Variants in STK39 observed in about 807,000 individuals in gnomAD.
STK39 encodes the protein serine/threonine kinase 39.
Under a neutral mutation model 77.8 loss-of-function variants are expected in STK39, and 20 were observed. The observed-to-expected ratio is 0.26, with a 90% confidence interval of 0.18 to 0.37. The LOEUF (loss-of-function observed/expected upper bound fraction) is 0.37, where lower values mean the gene tolerates loss of function less well. Ranked by LOEUF, STK39 falls within the 10% of genes least tolerant of loss-of-function variation. The pLI, the probability that STK39 is intolerant of heterozygous loss-of-function variation, is 1.00. For synonymous variants in STK39, 246 were observed against 234.1 expected (o/e 1.05, Z -0.47); for missense variants, 479 against 656.5 (o/e 0.73, Z 2.95).
intron 1 of STK39, among the ~76,000 whole-genome samples, chr2:168,210,090 T>A (rs76807443): frequency 0.074 from 10,285 of 138,422 alleles, 938 homozygotes; most frequent in East Asian, 0.23. Context: ...AGAAAGAAAC[T>A]CATGTAATTA....
intron 5 of STK39, among the ~76,000 whole-genome samples, chr2:168,149,708 G>T (rs993731328): frequency 6.6e-6 from 1 of 152,204 alleles, no homozygotes; most frequent in South Asian, 2.1e-4. Context: ...CAAGAAAACC[G>T]TTTAGCACAC....
intron 14 of STK39, among the ~76,000 whole-genome samples, chr2:168,056,048 T>C (rs538878191): frequency 2.0e-5 from 3 of 152,300 alleles, no homozygotes; most frequent in South Asian, 4.2e-4. Flanking sequence ...AAGAAAAAGA[T>C]AAATCTGCAT....
chr2:168,018,524 G>GAA (rs1218697669), intron 14 of STK39, among the ~76,000 whole-genome samples: 1 of 89,992 alleles, frequency 1.1e-5, no homozygotes, highest in Non-Finnish European at 2.0e-5. Context: ...AGAAAGAAAA[G>GAA]AAAGAAAAGA....
chr2:168,101,414 T>C (rs1465998815), intron 10 of STK39, among the ~76,000 whole-genome samples: 4 of 152,214 alleles, frequency 2.6e-5, no homozygotes, highest in Non-Finnish European at 5.9e-5. Flanking sequence ...CTTACTGCAC[T>C]ACACTAAGAA....
chr2:168,139,382 A>ATTTAT (rs1181887823), intron 7 of STK39, among the ~76,000 whole-genome samples: 2 of 142,048 alleles, frequency 1.4e-5, no homozygotes, highest in African/African-American at 5.4e-5. Flanking sequence ...CAAATACACT[A>ATTTAT]AAATCCTAAC....
chr2:168,200,097 GT>G (rs1480002072), intron 1 of STK39, among the ~76,000 whole-genome samples: 1 of 152,056 alleles, frequency 6.6e-6, no homozygotes, highest in Non-Finnish European at 1.5e-5. Flanking sequence ...ATAATGTTCC[GT>G]TTTCCATTCA....
At chr2:168,100,084 T>C (rs937962042) in intron 10 of STK39, among the ~76,000 whole-genome samples, 42 of 152,156 alleles carry the variant, frequency 2.8e-4, no homozygotes, top group African/African-American at 8.9e-4. Flanking sequence ...CAAAAGTCAA[T>C]AGCAGGCAGG....
At chr2:168,244,379 C>T (rs1348511781) in intron 1 of STK39, among the ~76,000 whole-genome samples, 1 of 152,186 alleles carries the variant, frequency 6.6e-6, no homozygotes, top group Non-Finnish European at 1.5e-5. Context: ...TCCTCCGTGC[C>T]CGTGCCATGC....
intron 14 of STK39, among the ~76,000 whole-genome samples, chr2:168,048,695 G>A (rs1197557309): frequency 6.6e-6 from 1 of 152,122 alleles, no homozygotes; most frequent in African/African-American, 2.4e-5. Flanking sequence ...ATTGGCTCTT[G>A]CTTTATTCTT....
chr2:167,956,192 TA>T (rs1043480393), intron 17 of STK39, among the ~76,000 whole-genome samples: 5 of 152,196 alleles, frequency 3.3e-5, no homozygotes, highest in African/African-American at 9.7e-5. Flanking sequence ...ATTAATTGCC[TA>T]AAATTGGCAA....
At chr2:168,078,931 G>T (rs948009156) in intron 10 of STK39, among the ~76,000 whole-genome samples, 1 of 152,072 alleles carries the variant, frequency 6.6e-6, no homozygotes, top group African/African-American at 2.4e-5. Flanking sequence ...AAGTGATCCA[G>T]GGAGCCCACC....
intron 1 of STK39, among the ~76,000 whole-genome samples, chr2:168,210,062 G>GAAGGAAGC (rs879869797): frequency 5.4e-5 from 8 of 148,510 alleles, no homozygotes; most frequent in Non-Finnish European, 1.0e-4. Flanking sequence ...AGGAAGGAAG[G>GAAGGAAGC]AAGGAAGGAA....
chr2:168,163,967 A>G, intron 3 of STK39, 87 bp from the exon 4 acceptor site: 1 of 1,496,744 alleles, frequency 6.7e-7, no homozygotes, highest in Admixed American at 2.3e-5. Context: ...ATTTAATAGA[A>G]ACATCAAAAT....
chr2:168,075,167 C>T lies in STK39; in HGVS notation c.1154G>A (p.Ser385Asn), dbSNP rs1195351394. 1 of 1,614,210 alleles carries T rather than the reference C, an allele frequency of 6.2e-7. No homozygotes were observed. The highest frequency in any genetic ancestry group is 8.5e-7 in the Non-Finnish European group (1 of 1,180,040). ...HKTEDGDWEWSDDEMDEKSEE... is the reference protein window; with the variant it reads ...HKTEDGDWEWNDDEMDEKSEE... ...GCTCTTCTCATCCATCTCGTCGTCA[C>T]TCCACTCCCAGTCCCCGTCTTCGGT... The change falls in exon 11 of 18, where the codon AGT becomes AAT. Residue 385 changes from serine to asparagine, a missense_variant. Ser to Asn is a conservative substitution (Grantham distance 46). Transcript: ENST00000355999.
At position 168,181,988 on chromosome 2, in the gene STK39, T is replaced by G; in HGVS notation, c.311A>C (p.Asp104Ala). 2 of 1,613,770 alleles carry G rather than the reference T, an allele frequency of 1.2e-6. No homozygotes were observed. Among genetic ancestry groups the G allele is most frequent in the Non-Finnish European group, 1.7e-6 (2 of 1,179,742 alleles). Residue 104 changes from aspartate (D) to alanine (A), a missense_variant, in exon 2 of 18, where the codon GAT becomes GCT. Physicochemically the swap from Asp to Ala is moderately radical, Grantham distance 126 (BLOSUM62 -2). Transcript: ENST00000355999. ...INLEKCQTSMDELLKEIQAMS... is the reference protein window; with the variant it reads ...INLEKCQTSMAELLKEIQAMS... ...TGCACTGTTACTTACTAATAGTTCA[T>G]CCATACTGGTCTGGCATTTTTCCAA...
intron 5 of STK39, among the ~76,000 whole-genome samples, chr2:168,147,160 G>A (rs891906883): frequency 4.6e-5 from 7 of 152,198 alleles, no homozygotes; most frequent in Non-Finnish European, 1.0e-4. Flanking sequence ...AGAAAAACTG[G>A]TTTGAGGTTC....
intron 1 of STK39, among the ~76,000 whole-genome samples, chr2:168,194,896 C>T (rs1000642360): frequency 6.6e-6 from 1 of 152,010 alleles, no homozygotes; most frequent in Non-Finnish European, 1.5e-5. Flanking sequence ...TTAATTGAAA[C>T]TACTTTCTCA....
At chr2:168,047,521 G>A (rs772367791) in intron 14 of STK39, among the ~76,000 whole-genome samples, 14 of 152,186 alleles carry the variant, frequency 9.2e-5, no homozygotes, top group African/African-American at 1.9e-4. Flanking sequence ...ACTCTAGAAC[G>A]AGTTCCAGAC....
At chr2:168,071,892 A>G (rs1316879427) in intron 12 of STK39, among the ~76,000 whole-genome samples, 2 of 152,166 alleles carry the variant, frequency 1.3e-5, no homozygotes, top group African/African-American at 4.8e-5. Context: ...AAAAAATTCA[A>G]AATCAGCAGA....
Sources: gnomAD v4.1 joint callset for allele counts (sites outside exome capture counted in the v4.1 genomes callset) on GRCh38, gnomAD v4.1.1 for gene constraint, MANE v1.5 for transcripts, NCBI Gene and HGNC (gene_info 2026-07-23, HGNC 2026-07-21) for gene names.